The following DPYD variants were observed in gnomAD, a reference collection of about 807,000 sequenced individuals.
DPYD encodes the protein dihydropyrimidine dehydrogenase [NADP(+)].
Under a neutral mutation model 116.2 loss-of-function variants are expected in DPYD, and 109 were observed. The observed-to-expected ratio is 0.94, with a 90% CI of 0.80 to 1.10. The LOEUF is 1.10. DPYD is among the 50% of genes least tolerant of loss of function. The pLI is 0.00. For missense variants in DPYD, 1,302 were observed against 1,254.5 expected (o/e 1.04, Z -0.57); for synonymous variants, 440 against 432.0 (o/e 1.02, Z -0.23).
intron 16 of DPYD, among the ~76,000 whole-genome samples, chr1:97,346,270 T>C (rs1669834810): frequency 6.6e-6 from 1 of 151,812 alleles, no homozygotes; most frequent in Admixed American, 6.6e-5. Context: ...TTATCTCTTC[T>C]ACCATAAATG....
At chr1:97,776,429 G>A (rs1666410667) in intron 3 of DPYD, among the ~76,000 whole-genome samples, 1 of 152,148 alleles carries the variant, frequency 6.6e-6, no homozygotes, top group Admixed American at 6.6e-5. Flanking sequence ...GCTCCAGGAT[G>A]TTAGAATATA....
chr1:97,366,210 G>A (rs1450635716), intron 16 of DPYD, among the ~76,000 whole-genome samples: 1 of 152,278 alleles, frequency 6.6e-6, no homozygotes, highest in Non-Finnish European at 1.5e-5. Context: ...AAGCACCCAT[G>A]TCTATCAAAT....
intron 8 of DPYD, among the ~76,000 whole-genome samples, chr1:97,624,312 G>A (rs932583524): frequency 6.6e-6 from 1 of 151,878 alleles, no homozygotes. Flanking sequence ...ATGGGCAAGG[G>A]ATCTAAATAG....
intron 1 of DPYD, among the ~76,000 whole-genome samples, chr1:97,894,340 C>T (rs896124789): frequency 7.6e-4 from 115 of 151,902 alleles, no homozygotes; most frequent in African/African-American, 2.6e-3. Flanking sequence ...AAATACCACA[C>T]ATTGGAAGTT....
chr1:97,848,504 A>G (rs1670417251), intron 2 of DPYD, among the ~76,000 whole-genome samples: 1 of 152,240 alleles, frequency 6.6e-6, no homozygotes, highest in Non-Finnish European at 1.5e-5. Flanking sequence ...GTGTTACTTT[A>G]GAGTATTCAG....
chr1:97,540,894 T>C (rs1650405948), intron 12 of DPYD, among the ~76,000 whole-genome samples: 1 of 152,184 alleles, frequency 6.6e-6, no homozygotes, highest in South Asian at 2.1e-4. Context: ...TTTTAGGAGT[T>C]GTATGCCAGG....
intron 3 of DPYD, among the ~76,000 whole-genome samples, chr1:97,792,423 AT>A (rs1160655720): frequency 1.3e-5 from 2 of 151,574 alleles, no homozygotes; most frequent in Non-Finnish European, 2.9e-5. Flanking sequence ...TAATTTTTAT[AT>A]TTTTTAGTAG....
intron 2 of DPYD, among the ~76,000 whole-genome samples, chr1:97,860,574 A>C (rs1671065965): frequency 6.6e-6 from 1 of 152,196 alleles, no homozygotes; most frequent in African/African-American, 2.4e-5. Flanking sequence ...GAGGCACCTG[A>C]GTACTGGACA....
chr1:97,896,549 G>A lies in DPYD; in HGVS notation c.40-13175C>T, dbSNP rs183949516. On this transcript the variant is annotated intron_variant, in intron 1 of 22. Coordinates refer to ENST00000370192, the MANE Select transcript of DPYD (RefSeq NM_000110.4). Reference sequence around the variant, plus strand: ...TACTTTTTTACAATAGCTTTATTGAGATATAATTCACTTACACATGATTCA... The same window carrying A: ...TACTTTTTTACAATAGCTTTATTGAAATATAATTCACTTACACATGATTCA... Among the ~76,000 whole-genome samples, 850 of 151,862 alleles carry A rather than the reference G, an allele frequency of 5.6e-3. 3 individuals carry two copies. The highest frequency in any genetic ancestry group is 0.011 in the Admixed American group (171 of 15,206).
intron 18 of DPYD, among the ~76,000 whole-genome samples, chr1:97,257,862 CTTA>C (rs1663607945): frequency 6.6e-6 from 1 of 151,958 alleles, no homozygotes; most frequent in South Asian, 2.1e-4. Context: ...ATATAAATAA[CTTA>C]TTATAATGTA....
intron 11 of DPYD, among the ~76,000 whole-genome samples, chr1:97,562,461 A>G (rs989622417): frequency 5.3e-5 from 8 of 152,194 alleles, no homozygotes; most frequent in South Asian, 2.1e-4. Flanking sequence ...GTAAGTCTTG[A>G]AAACACTTTA....
At chr1:97,875,748 GAC>G (rs1671880379) in intron 2 of DPYD, among the ~76,000 whole-genome samples, 1 of 151,620 alleles carries the variant, frequency 6.6e-6, no homozygotes, top group Non-Finnish European at 1.5e-5. Context: ...ATTTTCCTAA[GAC>G]ACACACGCAA....
chr1:97,747,416 G>C (rs1325917276), intron 3 of DPYD, among the ~76,000 whole-genome samples: 1 of 152,116 alleles, frequency 6.6e-6, no homozygotes, highest in African/African-American at 2.4e-5. Flanking sequence ...GGGCTTGTTG[G>C]CGACACTCTC....
chr1:97,096,130 G>A (rs543322525), intron 21 of DPYD: 1 of 152,216 alleles, frequency 6.6e-6, no homozygotes, highest in Middle Eastern at 3.4e-3. Flanking sequence ...ATTCCTCTTT[G>A]ATACTTCAGA....
chr1:97,577,743 A>G (rs1233973479), intron 10 of DPYD, among the ~76,000 whole-genome samples: 2 of 152,182 alleles, frequency 1.3e-5, no homozygotes, highest in African/African-American at 4.8e-5. Context: ...ATTTTTGGAC[A>G]TTATAAGGAT....
chr1:97,667,298 C>T (rs1454195815), intron 8 of DPYD, among the ~76,000 whole-genome samples: 2 of 152,016 alleles, frequency 1.3e-5, no homozygotes, highest in African/African-American at 4.8e-5. Context: ...TATCTTCATC[C>T]CTTTGGCATA....
intron 8 of DPYD, among the ~76,000 whole-genome samples, chr1:97,675,752 T>C (rs1557876228): frequency 7.4e-6 from 1 of 135,456 alleles, no homozygotes; most frequent in Non-Finnish European, 1.6e-5. Context: ...AAAGTATCTC[T>C]TTTTTTTTTT....
At chr1:97,284,997 C>T (rs1665572458) in intron 18 of DPYD, among the ~76,000 whole-genome samples, 1 of 152,118 alleles carries the variant, frequency 6.6e-6, no homozygotes, top group African/African-American at 2.4e-5. Context: ...ATCCCCTTTT[C>T]AGGACTAGAG....
At chr1:97,600,670 C>T (rs1362844403) in intron 8 of DPYD, among the ~76,000 whole-genome samples, 3 of 152,128 alleles carry the variant, frequency 2.0e-5, no homozygotes, top group East Asian at 1.9e-4. Context: ...AGAATTAACA[C>T]GAAAAACAGG....
Sources: gnomAD v4.1 joint callset for allele counts (sites outside exome capture counted in the v4.1 genomes callset) on GRCh38, gnomAD v4.1.1 for gene constraint, MANE v1.5 for transcripts, NCBI Gene and HGNC (gene_info 2026-07-23, HGNC 2026-07-21) for gene names.